The following CCDC150 variants were observed in gnomAD, a reference collection of about 807,000 sequenced individuals.
CCDC150 encodes coiled-coil domain-containing protein 150.
A neutral mutation model predicts 156.5 loss-of-function variants in CCDC150; 151 were observed. The ratio of observed to expected loss-of-function variants is 0.97; its 90% CI spans 0.85 to 1.10. CCDC150 has a LOEUF of 1.10. CCDC150 is among the 50% of genes least tolerant of loss of function. The pLI is 0.00. For synonymous variants in CCDC150, 452 were observed against 429.4 expected (o/e 1.05, Z -0.65); for missense variants, 1,312 against 1,268.1 (o/e 1.03, Z -0.53).
chr2:196,709,445 C>T (rs1018320663), intron 15 of CCDC150, among the ~76,000 whole-genome samples: 1 of 152,086 alleles, frequency 6.6e-6, no homozygotes, highest in Non-Finnish European at 1.5e-5. Flanking sequence ...GCAATGGGTT[C>T]GAACATCCTC....
intron 15 of CCDC150, among the ~76,000 whole-genome samples, chr2:196,702,279 G>GA (rs1696264772): frequency 6.6e-6 from 1 of 151,572 alleles, no homozygotes; most frequent in South Asian, 2.1e-4. Context: ...AAATTCCCAT[G>GA]ACTAGAAAGG....
intron 2 of CCDC150, among the ~76,000 whole-genome samples, chr2:196,649,496 G>C (rs899987917): frequency 2.0e-5 from 3 of 152,148 alleles, no homozygotes; most frequent in African/African-American, 4.8e-5. Flanking sequence ...ATGGTAACAT[G>C]GTATACCGGT....
intron 13 of CCDC150, among the ~76,000 whole-genome samples, chr2:196,685,087 T>C (rs906994748): frequency 9.9e-5 from 15 of 152,154 alleles, no homozygotes; most frequent in African/African-American, 3.4e-4. Flanking sequence ...CATTTTGCTT[T>C]TTTTGTTTCG....
intron 15 of CCDC150, among the ~76,000 whole-genome samples, chr2:196,706,848 C>A (rs1696684615): frequency 6.6e-6 from 1 of 152,104 alleles, no homozygotes; most frequent in Non-Finnish European, 1.5e-5. Flanking sequence ...GTCTTGCATC[C>A]CAGAGATGAA....
rs534160326 is a variant in CCDC150 at position 196,725,572 on chromosome 2, G to A, written c.2430-401G>A. ...CAAAAAGACATCATCTTACTAGAGC[G>A]GAGATTACAATCCAGGCAGCAGCAG... is the stretch of plus-strand genomic sequence containing the variant. On this transcript the variant is annotated intron_variant, in intron 21 of 27. Coordinates refer to ENST00000389175, the MANE Select transcript of CCDC150 (RefSeq NM_001080539.2). Among the ~76,000 whole-genome samples the A allele has an allele frequency of 7.9e-5, 12 of 152,184 alleles. No homozygotes were observed. In the East Asian group the frequency reaches 2.1e-3, roughly 27 times the overall value.
chr2:196,727,734 C>G (rs117789588), intron 22 of CCDC150: 1 of 151,908 alleles, frequency 6.6e-6, no homozygotes. Context: ...TACTTACAGC[C>G]GGGCACAGTG....
At chr2:196,648,820 G>T (rs578017216) in intron 2 of CCDC150, among the ~76,000 whole-genome samples, 1 of 152,064 alleles carries the variant, frequency 6.6e-6, no homozygotes, top group Non-Finnish European at 1.5e-5. Context: ...TCTAGTATAT[G>T]GGGTGAAATA....
intron 15 of CCDC150, among the ~76,000 whole-genome samples, chr2:196,705,994 C>CA (rs1696602389): frequency 6.6e-6 from 1 of 152,138 alleles, no homozygotes; most frequent in South Asian, 2.1e-4. Flanking sequence ...ATGATGCCTC[C>CA]AGCTTTGTTC....
intron 6 of CCDC150, 96 bp from the exon 7 acceptor site, chr2:196,666,623 C>A: frequency 9.9e-7 from 1 of 1,010,816 alleles, no homozygotes; most frequent in Non-Finnish European, 1.4e-6. Context: ...TTCTCAGTGA[C>A]ATTAAGGTTG....
chr2:196,674,245 T>C lies in CCDC150; in HGVS notation c.1034T>C (p.Leu345Ser). The C allele has an allele frequency of 1.3e-6, 2 of 1,586,648 alleles. No homozygotes were observed. Among genetic ancestry groups the C allele is most frequent in the Non-Finnish European group, 1.7e-6 (2 of 1,163,574 alleles). Residue 345 changes from leucine (L) to serine (S), a missense_variant, in exon 10 of 28, where the codon TTG becomes TCG. Transcript: ENST00000389175. The stretch of plus-strand genomic sequence containing the variant: ...TTGCTGTGTGTGTTTTCTTAGGTTT[T>C]GAATGACCAATTGACTAAAAAGTGT... Reference protein sequence around the residue: ...LHEASEKAQVLNDQLTKKCSE... With the variant: ...LHEASEKAQVSNDQLTKKCSE...
intron 4 of CCDC150, among the ~76,000 whole-genome samples, chr2:196,658,156 A>C (rs933894164): frequency 6.6e-6 from 1 of 152,168 alleles, no homozygotes; most frequent in Non-Finnish European, 1.5e-5. Context: ...AATTGGAGGC[A>C]GGGAAACCAA....
At chr2:196,644,139 C>G (rs1692397137) in intron 1 of CCDC150, among the ~76,000 whole-genome samples, 1 of 152,116 alleles carries the variant, frequency 6.6e-6, no homozygotes, top group South Asian at 2.1e-4. Context: ...CCTAGGAGCC[C>G]TTTTGCAAAC....
chr2:196,717,856 A>T lies in CCDC150; in HGVS notation c.1867-647A>T, dbSNP rs555605700. On this transcript the variant is annotated intron_variant, in intron 17 of 27. Coordinates refer to ENST00000389175, the MANE Select transcript of CCDC150 (RefSeq NM_001080539.2). ...CAGTGAGCCCAGATCATGCCATTGCACTCCAGCCTAGATGACAGAGCGAAA... is the reference window on the plus strand; with the variant it reads ...CAGTGAGCCCAGATCATGCCATTGCTCTCCAGCCTAGATGACAGAGCGAAA... Among the ~76,000 whole-genome samples, 653 of 149,886 alleles carry T rather than the reference A, an allele frequency of 4.4e-3. 2 individuals carry two copies. Among genetic ancestry groups the T allele is most frequent in the Non-Finnish European group, 6.6e-3 (446 of 67,582 alleles).
chr2:196,670,491 GGAA>G (rs1488723940), intron 8 of CCDC150, among the ~76,000 whole-genome samples: 2 of 151,276 alleles, frequency 1.3e-5, no homozygotes, highest in Non-Finnish European at 2.9e-5. Flanking sequence ...TACCTTTTAG[GGAA>G]AGCCCCACCT....
intron 14 of CCDC150, 144 bp downstream of exon 14, chr2:196,695,303 A>G (rs1389356909): frequency 6.4e-6 from 3 of 467,500 alleles, no homozygotes; most frequent in African/African-American, 2.0e-5. Context: ...TATTCAAACA[A>G]TAGTGATTTG....
intron 13 of CCDC150, among the ~76,000 whole-genome samples, chr2:196,679,810 TTG>T (rs1291591082): frequency 1.3e-5 from 2 of 152,198 alleles, no homozygotes; most frequent in Admixed American, 1.3e-4. Context: ...CTATTAGAAT[TTG>T]TGTGTAGCAG....
At chr2:196,685,992 CT>C (rs1189236596) in intron 13 of CCDC150, among the ~76,000 whole-genome samples, 2 of 152,158 alleles carry the variant, frequency 1.3e-5, no homozygotes, top group Admixed American at 1.3e-4. Flanking sequence ...GAGAAATCAG[CT>C]GTTAATCTTA....
intron 2 of CCDC150, 54 bp from the exon 3 acceptor site, chr2:196,656,579 T>G: frequency 8.0e-7 from 1 of 1,245,252 alleles, no homozygotes; most frequent in Non-Finnish European, 1.1e-6. Context: ...TTTTTGGGAT[T>G]ACCATAGTAG....
chr2:196,649,473 C>T lies in CCDC150; in HGVS notation c.176+2969C>T, dbSNP rs1409244604. On this transcript the variant is annotated intron_variant, in intron 2 of 27. Transcript: ENST00000389175. ...CAAATACCATTGTTTTACAGTTGCCCGCAGTATGCAATATGGTAACATGGT... is the reference window on the plus strand; with the variant it reads ...CAAATACCATTGTTTTACAGTTGCCTGCAGTATGCAATATGGTAACATGGT... 3.9e-5 allele frequency among the ~76,000 whole-genome samples: 6 copies of T among 152,088 alleles called. No homozygotes were observed. The East Asian group carries it at 9.6e-4, about 24-fold the overall frequency.
Sources: allele counts gnomAD v4.1 joint callset (sites outside exome capture counted in the v4.1 genomes callset), GRCh38; gene constraint gnomAD v4.1.1; transcripts MANE v1.5; gene names NCBI Gene and HGNC (gene_info 2026-07-23, HGNC 2026-07-21).